IRS1: variants seen among roughly 807,000 people sequenced by gnomAD.
IRS1 encodes insulin receptor substrate 1.
IRS1 carries 34 observed loss-of-function variants against 65.6 expected under a neutral mutation model. That is an observed-to-expected ratio of 0.52 (90% CI 0.39 to 0.69). IRS1 has a LOEUF of 0.69. IRS1 is among the 30% of genes least tolerant of loss of function. The pLI is 0.00. For missense variants in IRS1, 1,641 were observed against 1,720.2 expected (o/e 0.95, Z 0.81); for synonymous variants, 699 against 683.5 (o/e 1.02, Z -0.35).
intron 1 of IRS1, chr2:226,792,129 C>CTT (rs1419412758): frequency 6.6e-6 from 1 of 152,138 alleles, no homozygotes; most frequent in Non-Finnish European, 1.5e-5. Flanking sequence ...GAGTCTTTTT[C>CTT]TGTTTTTTTT....
intron 1 of IRS1, among the ~76,000 whole-genome samples, chr2:226,765,114 A>G (rs749639308): frequency 1.3e-5 from 2 of 152,080 alleles, no homozygotes; most frequent in African/African-American, 4.8e-5. Context: ...TCATTCATTC[A>G]TTCATTTGAG....
Position 226,749,636 on chromosome 2 carries a change from T to C in IRS1, c.*22-13386A>G, listed in dbSNP as rs77943109. 1.5e-3 allele frequency among the ~76,000 whole-genome samples: 234 copies of C among 152,328 alleles called. 3 individuals are homozygous for C. The highest frequency in any genetic ancestry group is 5.3e-3 in the African/African-American group (221 of 41,572). On this transcript the variant is annotated intron_variant, in intron 1 of 1. Transcript: ENST00000305123. ...CCTCCGTCTGCCTTCAACCATTTAG[T>C]GGTTTTCTTGCACTTTTTCCAGAGA...
chr2:226,754,745 A>G (rs1559149488), intron 1 of IRS1, among the ~76,000 whole-genome samples: 2 of 152,256 alleles, frequency 1.3e-5, no homozygotes, highest in Admixed American at 6.5e-5. Context: ...GAGAAATTAC[A>G]TACTGAAATG....
At chr2:226,773,026 C>T (rs1278529104) in intron 1 of IRS1, among the ~76,000 whole-genome samples, 1 of 152,140 alleles carries the variant, frequency 6.6e-6, no homozygotes, top group Non-Finnish European at 1.5e-5. Context: ...TCCTTTTAGG[C>T]TTTGGTGACA....
rs1168584319 is a variant in IRS1, at chr2:226,799,047, C to A, written c.-309G>T. On this transcript the variant is annotated 5_prime_UTR_variant, in exon 1 of 2. Transcript: ENST00000305123. The surrounding 1 kb of genome is among the most constrained non-coding windows in gnomAD (Gnocchi z 6.1). Reference sequence around the variant, plus strand: ...AGTCTCCTCTCAGCCGCCGCCGCCACCAGGAAGGAGCGAAGATGCATCTCT... The same window carrying A: ...AGTCTCCTCTCAGCCGCCGCCGCCAACAGGAAGGAGCGAAGATGCATCTCT... 6 of 1,352,252 alleles carry A rather than the reference C, an allele frequency of 4.4e-6. No homozygotes were observed. Among genetic ancestry groups the A allele is most frequent in the Non-Finnish European group, 5.8e-6 (6 of 1,042,178 alleles). 83.8% of individuals were successfully genotyped at this position (1,352,252 alleles called of 1,614,324 possible).
At chr2:226,791,933 A>T (rs1483131978) in intron 1 of IRS1, among the ~76,000 whole-genome samples, 1 of 151,976 alleles carries the variant, frequency 6.6e-6, no homozygotes, top group Non-Finnish European at 1.5e-5. Flanking sequence ...GGGGGCTCGG[A>T]AGAGGGAGGA....
Position 226,794,998 on chromosome 2 carries a change from T to A in IRS1, c.*12A>T. On this transcript the variant is annotated 3_prime_UTR_variant, in exon 1 of 2. Transcript: ENST00000305123. This position sits in a 1 kb window ranked among gnomAD's most constrained non-coding sequence, Gnocchi z 4.1. ...TCACCATGAAACGCACCTGCTGTGATGTCCAGTTGAGCTACTGACGGTCCT... is the reference window on the plus strand; with the variant it reads ...TCACCATGAAACGCACCTGCTGTGAAGTCCAGTTGAGCTACTGACGGTCCT... 6.2e-7 allele frequency: 1 copy of A among 1,613,262 alleles called. No homozygotes were observed. Among genetic ancestry groups the A allele is most frequent in the Non-Finnish European group, 8.5e-7 (1 of 1,179,900 alleles).
rs748803544 is a variant in IRS1, at chr2:226,796,514, T to C, written c.2225A>G (p.Asn742Ser). The C allele has an allele frequency of 6.2e-7, 1 of 1,613,978 alleles. No homozygotes were observed. Among genetic ancestry groups the C allele is most frequent in the South Asian group, 1.1e-5 (1 of 91,088 alleles). Residue 742 changes from asparagine to serine, a missense_variant, in exon 1 of 2, where the codon AAC becomes AGC. Coordinates refer to ENST00000305123, the MANE Select transcript of IRS1 (RefSeq NM_005544.3). ...GTAGCAGTCGGAGGGGCTGCTGGTGTTGGAGTCCCCCACTGGTGACATGTT... is the reference window on the plus strand; with the variant it reads ...GTAGCAGTCGGAGGGGCTGCTGGTGCTGGAGTCCCCCACTGGTGACATGTT... ...YMNMSPVGDS[N>S]TSSPSDCYYG...
At chr2:226,754,756 C>G (rs1400744755) in intron 1 of IRS1, among the ~76,000 whole-genome samples, 4 of 152,200 alleles carry the variant, frequency 2.6e-5, no homozygotes, top group African/African-American at 7.2e-5. Context: ...TACTGAAATG[C>G]CATTCTGTTA....
At chr2:226,748,428 CAAAAAAAAA>C (rs748065097) in intron 1 of IRS1, among the ~76,000 whole-genome samples, 2 of 49,716 alleles carry the variant, frequency 4.0e-5, no homozygotes, top group Non-Finnish European at 8.2e-5. Flanking sequence ...GACTCTGTCT[CAAAAAAAAA>C]AAAAAAAAAA....
intron 1 of IRS1, among the ~76,000 whole-genome samples, chr2:226,737,159 T>C (rs1938341971): frequency 6.8e-6 from 1 of 146,202 alleles, no homozygotes; most frequent in East Asian, 2.1e-4. Context: ...GATCTCATTG[T>C]TCAATTCCCA....
chr2:226,765,355 T>G (rs531106599), intron 1 of IRS1, among the ~76,000 whole-genome samples: 1 of 152,336 alleles, frequency 6.6e-6, no homozygotes, highest in East Asian at 1.9e-4. Context: ...TTTTATTGAC[T>G]AACAAGTAGC....
At chr2:226,736,607 G>A (rs749849158) in intron 1 of IRS1, among the ~76,000 whole-genome samples, 8 of 151,886 alleles carry the variant, frequency 5.3e-5, no homozygotes, top group Admixed American at 3.9e-4. Flanking sequence ...CGACATGAGC[G>A]GGTTGTAGTC....
At chr2:226,764,038 C>A (rs1195783703) in intron 1 of IRS1, among the ~76,000 whole-genome samples, 5 of 151,682 alleles carry the variant, frequency 3.3e-5, no homozygotes, top group Non-Finnish European at 5.9e-5. Context: ...GTAGTTCATG[C>A]CAAATGATGA....
intron 1 of IRS1, among the ~76,000 whole-genome samples, chr2:226,751,736 C>A (rs1459489494): frequency 6.6e-6 from 1 of 152,072 alleles, no homozygotes; most frequent in Non-Finnish European, 1.5e-5. Flanking sequence ...ACTCTGACAC[C>A]TGAGAGGCTC....
chr2:226,766,599 C>A (rs954197324), intron 1 of IRS1, among the ~76,000 whole-genome samples: 2 of 152,258 alleles, frequency 1.3e-5, no homozygotes, highest in South Asian at 4.1e-4. Flanking sequence ...AATCCACCAG[C>A]ATTACTTTCA....
chr2:226,741,829 A>C (rs200623659), intron 1 of IRS1, among the ~76,000 whole-genome samples: 6 of 122,674 alleles, frequency 4.9e-5, no homozygotes, highest in African/African-American at 1.6e-4. Context: ...ACACACACAT[A>C]ACACACACAC....
intron 1 of IRS1, among the ~76,000 whole-genome samples, chr2:226,752,262 G>C (rs1938699706): frequency 6.6e-6 from 1 of 152,106 alleles, no homozygotes; most frequent in African/African-American, 2.4e-5. Flanking sequence ...ATTTAGAAAA[G>C]ACTAAAAAAT....
intron 1 of IRS1, among the ~76,000 whole-genome samples, chr2:226,775,099 C>A (rs536685948): frequency 6.6e-6 from 1 of 152,186 alleles, no homozygotes; most frequent in East Asian, 1.9e-4. Context: ...TAAAAAAATA[C>A]ACCTAGGAAG....
Sources: gnomAD v4.1 joint callset for allele counts (sites outside exome capture counted in the v4.1 genomes callset) on GRCh38, gnomAD v4.1.1 for gene constraint, Gnocchi (gnomAD v3.1) non-coding constraint, MANE v1.5 for transcripts, NCBI Gene and HGNC (gene_info 2026-07-23, HGNC 2026-07-21) for gene names.